Variants in DHX9 observed in about 807,000 individuals in gnomAD.
DHX9 encodes ATP-dependent RNA helicase A.
Under a neutral mutation model 148.7 loss-of-function variants are expected in DHX9, and 27 were observed. That is an observed-to-expected ratio of 0.18 (90% CI 0.13 to 0.25). DHX9 has a LOEUF of 0.25. Among genes scored for constraint, DHX9 ranks in the 10% least tolerant of loss-of-function variants. DHX9 has a pLI of 1.00. For missense variants in DHX9, 796 were observed against 1,559.6 expected (o/e 0.51, Z 8.25); for synonymous variants, 529 against 516.6 (o/e 1.02, Z -0.33).
chr1:182,852,523 G>A (rs574783599), intron 4 of DHX9, among the ~76,000 whole-genome samples, 179 bp downstream of exon 4: 1 of 152,278 alleles, frequency 6.6e-6, no homozygotes, highest in East Asian at 1.9e-4. Flanking sequence ...CTTAGAACAT[G>A]TGGTACAGCA....
intron 12 of DHX9, among the ~76,000 whole-genome samples, chr1:182,865,644 G>A (rs1230889341): frequency 1.3e-5 from 2 of 152,176 alleles, no homozygotes; most frequent in African/African-American, 4.8e-5. Flanking sequence ...CCAGGTGATA[G>A]TATACACAAG....
At chr1:182,853,499 C>A in intron 5 of DHX9, 81 bp downstream of exon 5, 2 of 1,037,758 alleles carry the variant, frequency 1.9e-6, no homozygotes, top group Non-Finnish European at 2.9e-6. Context: ...TTAGGATATT[C>A]ACAAGTTAAT....
Position 182,876,075 on chromosome 1 carries a change from A to G in DHX9, c.1841A>G (p.Asp614Gly). ...GCAAATTGCAACTTGATCTGTGGTG[A>G]TGAATATGGTCCAGAAACAAGGTTG... The part of the protein sequence containing the change: ...DDANCNLICG[D>G]EYGPETRLSM... Residue 614 changes from aspartate to glycine, a missense_variant, in exon 17 of 28, where the codon GAT becomes GGT. By Grantham distance (94) the Asp-to-Gly change is moderately conservative. Around this residue, in one of 14 missense-constraint regions of DHX9, gnomAD observed 133 missense variants for 223.8 expected, o/e 0.59. Coordinates refer to ENST00000367549, the MANE Select transcript of DHX9 (RefSeq NM_001357.5). 12 of 1,613,864 alleles carry G rather than the reference A, an allele frequency of 7.4e-6. No individual in the cohort carries two copies. The highest frequency in any genetic ancestry group is 1.1e-5 in the South Asian group (1 of 91,072).
intron 3 of DHX9, among the ~76,000 whole-genome samples, chr1:182,848,034 C>G (rs1668063480): frequency 6.6e-6 from 1 of 152,126 alleles, no homozygotes; most frequent in Non-Finnish European, 1.5e-5. Flanking sequence ...TACTTTCTTC[C>G]TTATTTCCTC....
In DHX9 at chr1:182,859,065, A is replaced by T. The variant is rs373938897; in HGVS notation, c.1088A>T (p.Asp363Val). The change falls in exon 11 of 28, where the codon GAC (aspartate) becomes GTC (valine). Residue 363 changes from aspartate to valine, a missense_variant. Physicochemically the swap from Asp to Val is radical, Grantham distance 152. This residue lies in a region of DHX9 where 42 missense variants were observed against 27.1 expected (regional missense o/e 1.55). Coordinates refer to ENST00000367549, the MANE Select transcript of DHX9 (RefSeq NM_001357.5). ...GCTACTCCAGAGCAAATAAGCATGG[A>T]CCTCAAGAATGAATTGATGTACCAG... ...AFATPEQISM[D>V]LKNELMYQLE... The T allele has an allele frequency of 1.2e-6, 2 of 1,614,052 alleles. No homozygotes were observed. Among genetic ancestry groups the T allele is most frequent in the African/African-American group, 1.3e-5 (1 of 74,934 alleles).
Position 182,858,701 on chromosome 1 carries a change from AT to A in DHX9, c.901-26del, listed in dbSNP as rs768649830. Reference sequence around the variant, plus strand: ...AACTCTCCGTAGACAAGCAAATCATATTTTTTGTTTGTTTTTCTTATTTTTT... The same window carrying A: ...AACTCTCCGTAGACAAGCAAATCATATTTTTGTTTGTTTTTCTTATTTTTT... On this transcript the variant is annotated intron_variant, in intron 9 of 27. Coordinates refer to ENST00000367549, the MANE Select transcript of DHX9 (RefSeq NM_001357.5). 7 of 1,612,788 alleles carry A rather than the reference AT, an allele frequency of 4.3e-6. No individual in the cohort carries two copies. The East Asian group carries it at 1.6e-4, about 36-fold the overall frequency.
chr1:182,855,085 A>T (rs1008787186), intron 6 of DHX9, among the ~76,000 whole-genome samples: 2 of 152,324 alleles, frequency 1.3e-5, no homozygotes, highest in Admixed American at 1.3e-4. Context: ...ACTGATCAAA[A>T]TGATATTTAG....
intron 27 of DHX9, among the ~76,000 whole-genome samples, chr1:182,886,748 A>G (rs963845897): frequency 1.3e-5 from 2 of 152,220 alleles, no homozygotes; most frequent in African/African-American, 2.4e-5. Context: ...ATAAAGACCA[A>G]ATAGTTTATT....
intron 12 of DHX9, among the ~76,000 whole-genome samples, chr1:182,860,685 A>G (rs1322791770): frequency 6.6e-6 from 1 of 152,254 alleles, no homozygotes; most frequent in East Asian, 1.9e-4. Flanking sequence ...TAAAATGCCC[A>G]AGGTTAACAC....
At chr1:182,860,292 T>C in intron 12 of DHX9, 108 bp downstream of exon 12, 1 of 948,868 alleles carries the variant, frequency 1.1e-6, no homozygotes, top group Non-Finnish European at 1.5e-6. Context: ...CATTGTGCCC[T>C]TGAAATTAAA....
chr1:182,862,900 A>G (rs188535450), intron 12 of DHX9, among the ~76,000 whole-genome samples: 34 of 152,354 alleles, frequency 2.2e-4, no homozygotes, highest in Non-Finnish European at 7.3e-5. Flanking sequence ...GTGACTGCTT[A>G]GTACATATTA....
intron 3 of DHX9, among the ~76,000 whole-genome samples, chr1:182,846,009 A>T (rs1419004052): frequency 2.0e-5 from 3 of 152,170 alleles, no homozygotes; most frequent in Admixed American, 6.5e-5. Context: ...GCCATTGGTG[A>T]CTTGACCTTC....
intron 14 of DHX9, among the ~76,000 whole-genome samples, chr1:182,870,100 T>A (rs192440769): frequency 4.6e-5 from 7 of 152,324 alleles, no homozygotes; most frequent in African/African-American, 1.4e-4. Flanking sequence ...AAGATACCAT[T>A]GCAGTAGTCA....
At chr1:182,867,929 A>ATG (rs931059630) in intron 14 of DHX9, among the ~76,000 whole-genome samples, 1 of 152,220 alleles carries the variant, frequency 6.6e-6, no homozygotes, top group Non-Finnish European at 1.5e-5. Context: ...GTTTCAGTGC[A>ATG]TGGGCAGCAT....
At chr1:182,870,389 G>C (rs544910270) in intron 14 of DHX9, among the ~76,000 whole-genome samples, 1 of 152,268 alleles carries the variant, frequency 6.6e-6, no homozygotes, top group South Asian at 2.1e-4. Context: ...AGAGAATCTT[G>C]GTTTACAGAT....
intron 2 of DHX9, 30 bp from the exon 3 acceptor site, chr1:182,843,264 G>A (rs531593254): frequency 2.0e-6 from 3 of 1,517,566 alleles, no homozygotes; most frequent in South Asian, 2.6e-5. Flanking sequence ...ACCCAGGTCA[G>A]TCTCTTAGTA....
At chr1:182,846,921 CTG>C (rs1668042438) in intron 3 of DHX9, among the ~76,000 whole-genome samples, 1 of 151,192 alleles carries the variant, frequency 6.6e-6, no homozygotes, top group Admixed American at 6.6e-5. Flanking sequence ...ATTTTTTCCA[CTG>C]TTTCTCAAAT....
chr1:182,858,381 G>C, intron 8 of DHX9, 141 bp downstream of exon 8: 2 of 1,132,784 alleles, frequency 1.8e-6, no homozygotes, highest in Non-Finnish European at 2.5e-6. Context: ...TCTGTGTCTG[G>C]CATGATGTTC....
chr1:182,868,903 A>G (rs2102609515), intron 14 of DHX9, among the ~76,000 whole-genome samples: 1 of 152,306 alleles, frequency 6.6e-6, no homozygotes, highest in African/African-American at 2.4e-5. Flanking sequence ...TAAATCATGT[A>G]ACTTTTCAGT....
Sources: gnomAD v4.1 joint callset for allele counts (sites outside exome capture counted in the v4.1 genomes callset) on GRCh38, gnomAD v4.1.1 for gene constraint, gnomAD v4.1.1 regional missense constraint, MANE v1.5 for transcripts, NCBI Gene and HGNC (gene_info 2026-07-23, HGNC 2026-07-21) for gene names.